BSPH1: variants seen among roughly 807,000 people sequenced by gnomAD.
The protein encoded by BSPH1 is binder of sperm protein homolog 1.
BSPH1 carries 21 observed loss-of-function variants against 22.5 expected under a neutral mutation model. The observed-to-expected ratio is 0.93, with a 90% CI of 0.66 to 1.35. The LOEUF (loss-of-function observed/expected upper bound fraction) is 1.35. Ranked by LOEUF, BSPH1 falls within the 40% of genes most tolerant of loss-of-function variation. BSPH1 has a pLI of 0.00. For missense variants in BSPH1, 141 were observed against 154.2 expected (o/e 0.91, Z 0.45); for synonymous variants, 42 against 53.6 (o/e 0.78, Z 0.95).
chr19:47,986,984 T>C (rs7254062), intron 1 of BSPH1, among the ~76,000 whole-genome samples: 103,971 of 151,942 alleles, frequency 0.68, 36,059 homozygotes, highest in African/African-American at 0.79. Flanking sequence ...ACTTTAATCT[T>C]TTCTTGTGAC....
At chr19:47,983,635 T>A (rs1285263438) in intron 1 of BSPH1, among the ~76,000 whole-genome samples, 1 of 152,146 alleles carries the variant, frequency 6.6e-6, no homozygotes, top group African/African-American at 2.4e-5. Context: ...AATTCTGCCA[T>A]CCACCTGGTG....
At chr19:47,991,970 ATC>A in intron 1 of BSPH1, 37 bp downstream of exon 1, 1 of 1,351,570 alleles carries the variant, frequency 7.4e-7, no homozygotes, top group Non-Finnish European at 1.0e-6. Flanking sequence ...AAGTTAAGCT[ATC>A]TACCTTGCAT....
chr19:47,980,592 G>A (rs567149435), intron 2 of BSPH1, among the ~76,000 whole-genome samples: 121 of 150,076 alleles, frequency 8.1e-4, no homozygotes, highest in African/African-American at 2.6e-3. Context: ...CCTCAGCCTC[G>A]GGAGTAGCTG....
chr19:47,990,261 A>G (rs1233835400), intron 1 of BSPH1, among the ~76,000 whole-genome samples: 1 of 152,132 alleles, frequency 6.6e-6, no homozygotes, highest in African/African-American at 2.4e-5. Flanking sequence ...CAGGCTAACG[A>G]GCCCGGGGCC....
Position 47,979,562 on chromosome 19 carries a change from C to G in BSPH1, c.124+8G>C, listed in dbSNP as rs560212743. The G allele has an allele frequency of 7.7e-7, 1 of 1,306,430 alleles. No homozygotes were observed. The highest frequency in any genetic ancestry group is 1.0e-6 in the Non-Finnish European group (1 of 962,454). 80.9% of individuals were successfully genotyped at this position (1,306,430 alleles called of 1,614,324 possible). On this transcript the variant is annotated splice_region_variant and intron_variant, in intron 3 of 5. Transcript: ENST00000344839. ...ACATTAATAATCAAAGTTTTCTGAT[C>G]GACTTACCTGTAACTTCTGGAAAAT...
In BSPH1 at chr19:47,992,034, T is replaced by C. The variant is rs964856644; in HGVS notation, c.48A>G (p.Ser16=). ...TTAAAATAACAGGGAAGATGCAAGCTGAGGAATTTCGCGTCGTTTCCACGA... is the reference window on the plus strand; with the variant it reads ...TTAAAATAACAGGGAAGATGCAAGCCGAGGAATTTCGCGTCGTTTCCACGA... ...LLFVETTRNS[S]ACIFPVILNE... The change falls in exon 1 of 6, where the codon TCA becomes TCG. Residue 16 remains serine (S), a synonymous_variant. Coordinates refer to ENST00000344839, the MANE Select transcript of BSPH1 (RefSeq NM_001128326.2). 2 of 1,550,436 alleles carry C rather than the reference T, an allele frequency of 1.3e-6. No homozygotes were observed. The highest frequency in any genetic ancestry group is 2.7e-5 in the African/African-American group (2 of 73,018).
At chr19:47,972,045 G>A (rs1029385040) in intron 5 of BSPH1, among the ~76,000 whole-genome samples, 6 of 152,102 alleles carry the variant, frequency 3.9e-5, no homozygotes, top group African/African-American at 7.2e-5. Context: ...CATCTGCTTC[G>A]CTGGTTGTAA....
At chr19:47,979,765 T>G (rs1435825247) in intron 2 of BSPH1, among the ~76,000 whole-genome samples, 166 bp from the exon 3 acceptor site, 1 of 152,132 alleles carries the variant, frequency 6.6e-6, no homozygotes, top group Non-Finnish European at 1.5e-5. Context: ...TTTTTCAAAA[T>G]GTATTTTTTT....
Position 47,979,579 on chromosome 19 carries a change from C to A in BSPH1, c.115G>T (p.Glu39Ter). Residue 39 changes from glutamate (E) to a stop codon, truncating the protein, a stop_gained, in exon 3 of 6, where the codon GAA (glutamate) becomes TAA (stop). Transcript: ENST00000344839. LOFTEE classifies it high-confidence loss of function. ...TTTCTGATCGACTTACCTGTAACTT[C>A]TGGAAAATGAGTTATAGTTTCTGAA... ...STVETITHFPEVTDGECVFPF... is the reference protein window; with the variant it reads ...STVETITHFP 7.4e-7 allele frequency: 1 copy of A among 1,346,576 alleles called. No homozygotes were observed. The highest frequency in any genetic ancestry group is 1.5e-5 in the South Asian group (1 of 67,188). The allele number at this position is 1,346,576 out of a possible 1,614,324, so 83.4% of individuals were successfully genotyped here.
intron 5 of BSPH1, among the ~76,000 whole-genome samples, chr19:47,973,276 A>T (rs1230151165): frequency 6.6e-6 from 1 of 151,000 alleles, no homozygotes; most frequent in Admixed American, 6.6e-5. Context: ...AGGCAGTAAC[A>T]TGCCAGAGAC....
At chr19:47,969,252 G>A (rs748756522) in intron 5 of BSPH1, among the ~76,000 whole-genome samples, 48 of 152,238 alleles carry the variant, frequency 3.2e-4, no homozygotes, top group Non-Finnish European at 5.3e-4. Context: ...TCTTAGGTTT[G>A]GGGCTGGGCA....
intron 5 of BSPH1, among the ~76,000 whole-genome samples, chr19:47,973,686 T>C (rs1328630881): frequency 1.3e-5 from 2 of 152,154 alleles, no homozygotes; most frequent in Admixed American, 6.5e-5. Flanking sequence ...TGGATATTAT[T>C]GGGTATTACA....
chr19:47,983,429 G>A (rs536710736), intron 1 of BSPH1, among the ~76,000 whole-genome samples: 26 of 152,218 alleles, frequency 1.7e-4, no homozygotes, highest in African/African-American at 6.3e-4. Context: ...ATCATGATAG[G>A]CCTGATTTCA....
At chr19:47,970,576 G>C (rs1969302997) in intron 5 of BSPH1, among the ~76,000 whole-genome samples, 1 of 152,106 alleles carries the variant, frequency 6.6e-6, no homozygotes, top group African/African-American at 2.4e-5. Context: ...GATGAGATTT[G>C]GGCACTCTTG....
At chr19:47,968,603 T>C (rs943138115) in intron 5 of BSPH1, among the ~76,000 whole-genome samples, 1 of 146,112 alleles carries the variant, frequency 6.8e-6, no homozygotes, top group African/African-American at 2.6e-5. Flanking sequence ...CAGTGAGCTA[T>C]GATGGCACCA....
intron 1 of BSPH1, 108 bp from the exon 2 acceptor site, chr19:47,981,049 G>A: frequency 5.1e-6 from 3 of 587,006 alleles, no homozygotes; most frequent in Non-Finnish European, 8.7e-6. Flanking sequence ...TTGAAAGTTA[G>A]ACATCAAAGT....
rs201621625 is a variant in BSPH1 at position 47,986,748 on chromosome 19, AT to A, written c.73+5260del. Among the ~76,000 whole-genome samples, 7 of 147,076 alleles carry A rather than the reference AT, an allele frequency of 4.8e-5. No homozygotes were observed. The South Asian group carries it at 6.4e-4, about 13-fold the overall frequency. On this transcript the variant is annotated intron_variant, in intron 1 of 5. Coordinates refer to ENST00000344839, the MANE Select transcript of BSPH1 (RefSeq NM_001128326.2). ...TGACAGAATGAGACCCTATCTAAAAATAAAATAAAATAAAATAAAAATAAAA... is the reference window on the plus strand; with the variant it reads ...TGACAGAATGAGACCCTATCTAAAAAAAAATAAAATAAAATAAAAATAAAA...
At chr19:47,977,907 T>A (rs1969381189) in intron 3 of BSPH1, among the ~76,000 whole-genome samples, 1 of 151,158 alleles carries the variant, frequency 6.6e-6, no homozygotes, top group Admixed American at 6.6e-5. Flanking sequence ...CATGTGTGTA[T>A]GTGTGTCACC....
At chr19:47,974,627 C>A (rs1414566639) in intron 5 of BSPH1, among the ~76,000 whole-genome samples, 1 of 151,952 alleles carries the variant, frequency 6.6e-6, no homozygotes, top group Non-Finnish European at 1.5e-5. Context: ...CCTATTCTGT[C>A]TCTCGCTTGC....
Sources: gnomAD v4.1 joint callset for allele counts (sites outside exome capture counted in the v4.1 genomes callset) on GRCh38, gnomAD v4.1.1 for gene constraint, MANE v1.5 for transcripts, NCBI Gene and HGNC (gene_info 2026-07-23, HGNC 2026-07-21) for gene names.